Variants in UBE2E2 observed in about 807,000 individuals in gnomAD.
UBE2E2 encodes the protein ubiquitin-conjugating enzyme E2 E2.
In UBE2E2, 6 loss-of-function variants were observed where a neutral mutation model predicts 24.7. The observed-to-expected ratio is 0.24, with a 90% confidence interval of 0.13 to 0.48. UBE2E2 has a LOEUF of 0.48. UBE2E2 is among the 20% of genes least tolerant of loss of function. The probability of loss-of-function intolerance (pLI) is 0.99; values close to 1 mark genes in which losing one functional copy is unlikely to be tolerated. For missense variants in UBE2E2, 169 were observed against 245.0 expected (o/e 0.69, Z 2.07); for synonymous variants, 104 against 83.6 (o/e 1.24, Z -1.33).
intron 5 of UBE2E2, among the ~76,000 whole-genome samples, chr3:23,572,471 G>A (rs1159904205): frequency 1.3e-5 from 2 of 152,110 alleles, no homozygotes; most frequent in African/African-American, 2.4e-5. Context: ...TCTGTTGATC[G>A]TGTCACCCAG....
intron 3 of UBE2E2, among the ~76,000 whole-genome samples, chr3:23,446,734 TA>T (rs1451669464): frequency 1.4e-5 from 2 of 141,656 alleles, no homozygotes; most frequent in African/African-American, 5.3e-5. Context: ...CGTAGGGTCA[TA>T]AAAGGTATAG....
At chr3:23,428,026 G>C (rs1340219376) in intron 3 of UBE2E2, among the ~76,000 whole-genome samples, 1 of 152,186 alleles carries the variant, frequency 6.6e-6, no homozygotes, top group Admixed American at 6.5e-5. Flanking sequence ...CAGAAAATTA[G>C]TGAGGACATA....
intron 3 of UBE2E2, among the ~76,000 whole-genome samples, chr3:23,351,351 A>G (rs1033663683): frequency 6.6e-6 from 1 of 152,232 alleles, no homozygotes. Context: ...TAACCAGCTA[A>G]CATCATAATG....
rs547230643 is a variant in UBE2E2 at position 23,473,333 on chromosome 3, G to T, written c.228-26275G>T. Among the ~76,000 whole-genome samples the T allele has an allele frequency of 8.5e-5, 13 of 152,082 alleles. 1 individual carries two copies. Among genetic ancestry groups the T allele is most frequent in the African/African-American group, 3.1e-4 (13 of 41,410 alleles). ...AGTAGTTTTTCATTATTCAAAATCAGTTTACATGGTCTTTACTGATTATCC... is the reference window on the plus strand; with the variant it reads ...AGTAGTTTTTCATTATTCAAAATCATTTTACATGGTCTTTACTGATTATCC... On this transcript the variant is annotated intron_variant, in intron 3 of 5. Coordinates refer to ENST00000396703, the MANE Select transcript of UBE2E2 (RefSeq NM_152653.4).
At chr3:23,350,752 A>T (rs912454785) in intron 3 of UBE2E2, among the ~76,000 whole-genome samples, 1 of 152,222 alleles carries the variant, frequency 6.6e-6, no homozygotes, top group Non-Finnish European at 1.5e-5. Flanking sequence ...GACCAAATCT[A>T]CGTCTGATTG....
At chr3:23,411,001 T>G (rs553212590) in intron 3 of UBE2E2, among the ~76,000 whole-genome samples, 1 of 152,246 alleles carries the variant, frequency 6.6e-6, no homozygotes, top group South Asian at 2.1e-4. Flanking sequence ...GTTTGTAAAT[T>G]TTTTAAAGTT....
intron 3 of UBE2E2, among the ~76,000 whole-genome samples, chr3:23,307,606 TG>T (rs1699271605): frequency 6.6e-6 from 1 of 152,184 alleles, no homozygotes; most frequent in African/African-American, 2.4e-5. Flanking sequence ...AACCATGAGT[TG>T]AGTTCAGCAA....
At position 23,562,793 on chromosome 3, in the gene UBE2E2, C is replaced by G. The variant is rs138036113; in HGVS notation, c.509-26941C>G. ...AGATTCAGCTTCTTCCTGGTTTAGT[C>G]TTGGGAGGGTGTAAGTGTCCAGGAA... On this transcript the variant is annotated intron_variant, in intron 5 of 5. Coordinates refer to ENST00000396703, the MANE Select transcript of UBE2E2 (RefSeq NM_152653.4). 3.5e-3 allele frequency among the ~76,000 whole-genome samples: 540 copies of G among 152,258 alleles called. 3 individuals are homozygous for G. Among genetic ancestry groups the G allele is most frequent in the African/African-American group, 0.011 (461 of 41,536 alleles).
intron 3 of UBE2E2, among the ~76,000 whole-genome samples, chr3:23,269,169 A>C (rs536254139): frequency 6.6e-6 from 1 of 152,310 alleles, no homozygotes; most frequent in East Asian, 1.9e-4. Context: ...TAAAACACCA[A>C]AAGCATGGCA....
chr3:23,332,674 GGTGTGTGTGTGTGTGTGTGTGTGTGT>G (rs3086989), intron 3 of UBE2E2, among the ~76,000 whole-genome samples: 1 of 108,072 alleles, frequency 9.3e-6, no homozygotes, highest in Non-Finnish European at 2.0e-5. Context: ...CAGCCAGTGG[GGTGTGTGTGTGTGTGTGTGTGTGTGT>G]GTGTGTGTGT....
At chr3:23,349,264 G>A (rs1481464607) in intron 3 of UBE2E2, among the ~76,000 whole-genome samples, 2 of 152,198 alleles carry the variant, frequency 1.3e-5, no homozygotes, top group African/African-American at 2.4e-5. Context: ...CAAAATGGCC[G>A]AATAGGAACA....
intron 1 of UBE2E2, among the ~76,000 whole-genome samples, chr3:23,203,840 A>G (rs1485092420): frequency 6.6e-6 from 1 of 151,854 alleles, no homozygotes; most frequent in East Asian, 1.9e-4. Context: ...GTCACGGTGG[A>G]AAGTGCCCGG....
intron 3 of UBE2E2, among the ~76,000 whole-genome samples, chr3:23,372,880 T>C (rs890482551): frequency 6.6e-6 from 1 of 152,176 alleles, no homozygotes; most frequent in African/African-American, 2.4e-5. Context: ...CAGAGACTTA[T>C]TGGACCAGAA....
intron 5 of UBE2E2, among the ~76,000 whole-genome samples, chr3:23,581,917 G>T (rs1696486476): frequency 6.6e-6 from 1 of 152,012 alleles, no homozygotes. Context: ...TTTTAGTCTG[G>T]ATTTTTTGTT....
intron 5 of UBE2E2, among the ~76,000 whole-genome samples, chr3:23,563,840 C>G (rs1239888911): frequency 1.3e-5 from 2 of 151,906 alleles, no homozygotes; most frequent in African/African-American, 4.8e-5. Context: ...TTCCGTAAGA[C>G]TGCATTGTTT....
chr3:23,557,489 C>T (rs1484652474), intron 5 of UBE2E2, among the ~76,000 whole-genome samples: 1 of 152,190 alleles, frequency 6.6e-6, no homozygotes, highest in Admixed American at 6.5e-5. Context: ...CACTCACACA[C>T]AGACCCATGC....
At chr3:23,498,387 A>T (rs1001106018) in intron 3 of UBE2E2, among the ~76,000 whole-genome samples, 1 of 152,188 alleles carries the variant, frequency 6.6e-6, no homozygotes, top group Non-Finnish European at 1.5e-5. Flanking sequence ...GTTTTCATAT[A>T]TGTGTGGAAA....
intron 3 of UBE2E2, among the ~76,000 whole-genome samples, chr3:23,476,896 A>G (rs1170295814): frequency 6.6e-6 from 1 of 152,146 alleles, no homozygotes; most frequent in African/African-American, 2.4e-5. Flanking sequence ...GAGGAGTCCC[A>G]GAGTATTTCC....
chr3:23,373,491 A>G (rs1032181529), intron 3 of UBE2E2, among the ~76,000 whole-genome samples: 2 of 152,140 alleles, frequency 1.3e-5, no homozygotes, highest in Non-Finnish European at 2.9e-5. Context: ...TTGGTGCCTA[A>G]GACACCAAAG....
Sources: gnomAD v4.1 joint callset for allele counts (sites outside exome capture counted in the v4.1 genomes callset) on GRCh38, gnomAD v4.1.1 for gene constraint, MANE v1.5 for transcripts, NCBI Gene and HGNC (gene_info 2026-07-23, HGNC 2026-07-21) for gene names.